The following DCAF8L2 variants were observed in gnomAD, a reference collection of about 807,000 sequenced individuals.
DCAF8L2 encodes the protein DDB1 and CUL4 associated factor 8 like 2.
For missense variants in DCAF8L2, 430 were observed against 490.7 expected (o/e 0.88, Z 1.17); for synonymous variants, 200 against 190.9 (o/e 1.05, Z -0.39).
chrX:27,479,507 C>G, the DCAF8L2 span, among the ~76,000 whole-genome samples: 4 of 111,788 alleles, frequency 3.6e-5, no homozygotes, highest in Admixed American at 3.8e-4. Context: ...ATCTTCACTA[C>G]TATATGCATT....
intron 2 of DCAF8L2, among the ~76,000 whole-genome samples, chrX:27,651,826 A>G: frequency 9.0e-6 from 1 of 110,986 alleles, no homozygotes; most frequent in Non-Finnish European, 1.9e-5. Context: ...CTTATGATCT[A>G]TATTAATACG....
the DCAF8L2 span, among the ~76,000 whole-genome samples, chrX:27,499,793 A>C: frequency 9.2e-6 from 1 of 108,429 alleles, no homozygotes; most frequent in Admixed American, 1.0e-4. Flanking sequence ...ATCAGGTCCC[A>C]CCCGCAACAC....
chrX:27,704,466 C>T (rs897487646), intron 3 of DCAF8L2, among the ~76,000 whole-genome samples: 3 of 109,088 alleles, frequency 2.8e-5, no homozygotes, highest in Non-Finnish European at 5.7e-5. Context: ...TTTTGTTGAA[C>T]GGTCAAATAA....
At chrX:27,616,499 A>G (rs1307038169) in intron 1 of DCAF8L2, among the ~76,000 whole-genome samples, 1 of 111,811 alleles carries the variant, frequency 8.9e-6, no homozygotes, top group Non-Finnish European at 1.9e-5. Context: ...GTTATATTCA[A>G]AAAAGAGCAA....
the DCAF8L2 span, among the ~76,000 whole-genome samples, chrX:27,470,986 C>T: frequency 9.0e-6 from 1 of 111,148 alleles, no homozygotes; most frequent in East Asian, 2.9e-4. Flanking sequence ...TTTACCCATT[C>T]GATGTCATTA....
At chrX:27,663,095 G>T (rs1929613972) in intron 2 of DCAF8L2, among the ~76,000 whole-genome samples, 2 of 111,210 alleles carry the variant, frequency 1.8e-5, no homozygotes, top group Non-Finnish European at 3.8e-5. Flanking sequence ...AATAATCTTG[G>T]TCACCTGAGC....
chrX:27,575,779 T>C, the DCAF8L2 span, among the ~76,000 whole-genome samples: 1 of 112,237 alleles, frequency 8.9e-6, no homozygotes, highest in African/African-American at 3.2e-5. Flanking sequence ...TATATATGTA[T>C]CATGCTTTGT....
At chrX:27,512,163 C>T in the DCAF8L2 span, among the ~76,000 whole-genome samples, 1 of 110,475 alleles carries the variant, frequency 9.1e-6, no homozygotes, top group Non-Finnish European at 1.9e-5. Context: ...TCCAACTGCT[C>T]AAGAGGCTGA....
chrX:27,650,419 T>C (rs1001536977), intron 2 of DCAF8L2, among the ~76,000 whole-genome samples: 1 of 112,427 alleles, frequency 8.9e-6, no homozygotes, highest in East Asian at 2.8e-4. Flanking sequence ...TTGATTCTTC[T>C]AATTCATGAG....
chrX:27,611,618 GGT>G (rs1569159547), intron 1 of DCAF8L2, among the ~76,000 whole-genome samples: 2 of 104,697 alleles, frequency 1.9e-5, no homozygotes, highest in Non-Finnish European at 3.9e-5. Context: ...GACAGGCCCC[GGT>G]GTGTGATGTT....
intron 1 of DCAF8L2, among the ~76,000 whole-genome samples, chrX:27,625,574 G>C (rs1042297086): frequency 8.9e-4 from 100 of 112,206 alleles, no homozygotes; most frequent in Non-Finnish European, 6.2e-4. Context: ...GTTCATTGCA[G>C]CACTGTTTAC....
intron 3 of DCAF8L2, among the ~76,000 whole-genome samples, chrX:27,709,008 C>T (rs1393514184): frequency 1.8e-5 from 2 of 112,427 alleles, no homozygotes; most frequent in Non-Finnish European, 3.8e-5. Context: ...CAACCTCGGC[C>T]TCCCAGGTTC....
chrX:27,514,690 A>C, the DCAF8L2 span, among the ~76,000 whole-genome samples: 25 of 77,848 alleles, frequency 3.2e-4, no homozygotes, highest in East Asian at 4.8e-4. Context: ...AAAAAAAAAA[A>C]AAAAACAAAA....
chrX:27,546,857 T>G, the DCAF8L2 span, among the ~76,000 whole-genome samples: 20 of 112,369 alleles, frequency 1.8e-4, no homozygotes, highest in East Asian at 5.1e-3. Flanking sequence ...CCTCTTTACC[T>G]GTGATGGGAG....
At chrX:27,504,636 ACTT>A in the DCAF8L2 span, among the ~76,000 whole-genome samples, 2 of 111,206 alleles carry the variant, frequency 1.8e-5, no homozygotes, top group Non-Finnish European at 3.8e-5. Flanking sequence ...CCCTTGTTCC[ACTT>A]CTTACCATTG....
the DCAF8L2 span, among the ~76,000 whole-genome samples, chrX:27,502,269 C>T: frequency 4.6e-5 from 4 of 87,857 alleles, no homozygotes; most frequent in African/African-American, 1.3e-4. Flanking sequence ...TGCAGTGAGT[C>T]GAGATCGTGC....
the DCAF8L2 span, among the ~76,000 whole-genome samples, chrX:27,568,676 C>CT: frequency 1.7e-4 from 17 of 100,597 alleles, no homozygotes; most frequent in Middle Eastern, 5.2e-3. Context: ...TTTTCTGACT[C>CT]TTTTTTTTTT....
At chrX:27,571,398 G>T in the DCAF8L2 span, among the ~76,000 whole-genome samples, 1 of 111,657 alleles carries the variant, frequency 9.0e-6, no homozygotes, top group Non-Finnish European at 1.9e-5. Context: ...TGTTGGGTGT[G>T]GTGGAGTTTA....
the DCAF8L2 span, among the ~76,000 whole-genome samples, chrX:27,477,509 G>A: frequency 2.2e-4 from 25 of 111,169 alleles, no homozygotes; most frequent in Middle Eastern, 0.023. Context: ...GGATGGTCTC[G>A]ATCTCCTGAC....
Sources: allele counts gnomAD v4.1 joint callset (sites outside exome capture counted in the v4.1 genomes callset), GRCh38; gene constraint gnomAD v4.1.1; transcripts MANE v1.5; gene names NCBI Gene and HGNC (gene_info 2026-07-23, HGNC 2026-07-21).